The following HDAC4 variants were observed in gnomAD, a reference collection of about 807,000 sequenced individuals.
HDAC4 encodes histone deacetylase A.
In HDAC4, 16 loss-of-function variants were observed where a neutral mutation model predicts 135.1. The ratio of observed to expected loss-of-function variants is 0.12; its 90% CI spans 0.08 to 0.18. The LOEUF (loss-of-function observed/expected upper bound fraction) is 0.18, where lower values mean the gene tolerates loss of function less well. Among genes scored for constraint, HDAC4 ranks in the 10% least tolerant of loss-of-function variants. The pLI, the probability that HDAC4 is intolerant of heterozygous loss-of-function variation, is 1.00. For missense variants in HDAC4, 1,143 were observed against 1,511.8 expected (o/e 0.76, Z 4.05); for synonymous variants, 685 against 653.4 (o/e 1.05, Z -0.74).
At chr2:239,401,639 T>G (rs1445964319), upstream of HDAC4, 1 of 259,114 alleles carries the variant, frequency 3.9e-6, no homozygotes, top group Non-Finnish European at 7.6e-6. Flanking sequence ...GCGTCCATCT[T>G]GGATACTGGC....
Position 239,054,769 on chromosome 2 carries a change from T to C in HDAC4, c.3068A>G (p.Glu1023Gly). The C allele has an allele frequency of 6.2e-7, 1 of 1,612,364 alleles. No individual in the cohort carries two copies. Among genetic ancestry groups the C allele is most frequent in the Non-Finnish European group, 8.5e-7 (1 of 1,178,456 alleles). ...RPNANAVRSM[E>G]KVMEIHSKYW... ...CTTACTGTGGATCTCCATGACTTTC[T>C]CCATGGAACGGACAGCGTTTGCATT... Residue 1023 changes from glutamate (E) to glycine (G), a missense_variant, in exon 25 of 27, where the codon GAG becomes GGG. Coordinates refer to ENST00000543185, the MANE Select transcript of HDAC4 (RefSeq NM_001378414.1).
At chr2:239,325,333 T>C (rs903293821) in intron 2 of HDAC4, among the ~76,000 whole-genome samples, 1 of 152,236 alleles carries the variant, frequency 6.6e-6, no homozygotes, top group South Asian at 2.1e-4. Context: ...TTGCAGATTA[T>C]ATATCTATAA....
intron 1 of HDAC4, among the ~76,000 whole-genome samples, chr2:239,376,822 A>T (rs1367551379): frequency 6.6e-6 from 1 of 151,748 alleles, no homozygotes; most frequent in Non-Finnish European, 1.5e-5. Flanking sequence ...GTCTCGGTGG[A>T]ACCAGACTCC....
chr2:239,314,255 G>C (rs1018659170), intron 2 of HDAC4, among the ~76,000 whole-genome samples: 4 of 152,160 alleles, frequency 2.6e-5, no homozygotes, highest in Admixed American at 2.6e-4. Context: ...AAGAACCATG[G>C]GTAGCGGGAG....
At chr2:239,341,840 G>A (rs1171235906) in intron 2 of HDAC4, among the ~76,000 whole-genome samples, 1 of 152,194 alleles carries the variant, frequency 6.6e-6, no homozygotes, top group Non-Finnish European at 1.5e-5. Flanking sequence ...AAATTCACGT[G>A]TTAAAATCTA....
chr2:239,370,032 C>T (rs181779397), intron 1 of HDAC4, among the ~76,000 whole-genome samples: 79 of 152,342 alleles, frequency 5.2e-4, no homozygotes, highest in Admixed American at 1.4e-3. Flanking sequence ...TGGCGACACA[C>T]TTCATGAGGC....
chr2:239,368,934 C>G (rs1694410871), intron 1 of HDAC4, among the ~76,000 whole-genome samples: 1 of 152,194 alleles, frequency 6.6e-6, no homozygotes, highest in Non-Finnish European at 1.5e-5. Flanking sequence ...ATCCTGGTAC[C>G]TGCTGCTGTG....
At chr2:239,263,303 G>A (rs1326853168) in intron 2 of HDAC4, among the ~76,000 whole-genome samples, 3 of 110,978 alleles carry the variant, frequency 2.7e-5, no homozygotes, top group Admixed American at 2.1e-4. Flanking sequence ...CAGCTGTCTC[G>A]AAGCCCACCC....
At chr2:239,272,012 A>C (rs1369337523) in intron 2 of HDAC4, among the ~76,000 whole-genome samples, 2 of 152,240 alleles carry the variant, frequency 1.3e-5, no homozygotes, top group Non-Finnish European at 2.9e-5. Context: ...AAAAAAATCA[A>C]CAAAGAAACC....
intron 2 of HDAC4, among the ~76,000 whole-genome samples, chr2:239,253,265 C>T (rs111486219): frequency 8.5e-5 from 13 of 152,302 alleles, no homozygotes; most frequent in African/African-American, 2.9e-4. Context: ...ATGCAGCTTT[C>T]GTAATCTAAA....
chr2:239,151,613 T>G (rs1273888728), intron 7 of HDAC4, among the ~76,000 whole-genome samples: 1 of 152,134 alleles, frequency 6.6e-6, no homozygotes, highest in Non-Finnish European at 1.5e-5. Flanking sequence ...AGATCCATGA[T>G]CCATACAGGG....
chr2:239,390,877 G>A (rs1466039555), intron 1 of HDAC4, among the ~76,000 whole-genome samples: 2 of 152,256 alleles, frequency 1.3e-5, no homozygotes, highest in Non-Finnish European at 2.9e-5. Context: ...CAGGGTCCCT[G>A]CTCATGCAAA....
chr2:239,316,490 C>A (rs1369818969), intron 2 of HDAC4, among the ~76,000 whole-genome samples: 1 of 152,178 alleles, frequency 6.6e-6, no homozygotes, highest in Non-Finnish European at 1.5e-5. Flanking sequence ...GGCCTGTAGT[C>A]CCAGCTACTT....
intron 2 of HDAC4, among the ~76,000 whole-genome samples, chr2:239,314,358 G>C (rs918975949): frequency 4.6e-5 from 7 of 152,122 alleles, no homozygotes; most frequent in Admixed American, 1.3e-4. Context: ...GGTCATCCAG[G>C]GTCAGGCTGG....
intron 16 of HDAC4, among the ~76,000 whole-genome samples, chr2:239,097,139 C>A (rs2037183453): frequency 3.3e-5 from 5 of 152,214 alleles, no homozygotes; most frequent in Admixed American, 3.3e-4. Flanking sequence ...GAGGAGCCAG[C>A]CTGTGTCGGA....
chr2:239,267,303 G>A (rs550714743), intron 2 of HDAC4, among the ~76,000 whole-genome samples: 2 of 152,130 alleles, frequency 1.3e-5, no homozygotes, highest in Non-Finnish European at 2.9e-5. Context: ...TACCACACCC[G>A]TCCATATCAC....
At chr2:239,323,842 C>T (rs59022814) in intron 2 of HDAC4, among the ~76,000 whole-genome samples, 12,012 of 152,094 alleles carry the variant, frequency 0.079, 1,064 homozygotes, top group East Asian at 0.39. Flanking sequence ...CAGGCAGAAG[C>T]GCCACAAAAA....
intron 2 of HDAC4, among the ~76,000 whole-genome samples, chr2:239,290,973 T>C (rs2051454062): frequency 6.6e-6 from 1 of 152,168 alleles, no homozygotes. Flanking sequence ...CAATCATGAC[T>C]AATGGAATAA....
At chr2:239,176,656 A>G (rs1048007943) in intron 4 of HDAC4, 93 bp from the exon 5 acceptor site, 41 of 1,188,504 alleles carry the variant, frequency 3.4e-5, no homozygotes, top group Non-Finnish European at 4.4e-5. Context: ...CCCAGGCCCT[A>G]CACGTCTGCC....
Sources: allele counts gnomAD v4.1 joint callset (sites outside exome capture counted in the v4.1 genomes callset), GRCh38; gene constraint gnomAD v4.1.1; transcripts MANE v1.5; gene names NCBI Gene and HGNC (gene_info 2026-07-23, HGNC 2026-07-21).